NAA25: variants seen among roughly 807,000 people sequenced by gnomAD.
NAA25 encodes N-terminal acetyltransferase B complex subunit NAA25.
A neutral mutation model predicts 132.5 loss-of-function variants in NAA25; 30 were observed. The ratio of observed to expected loss-of-function variants is 0.23; its 90% CI spans 0.17 to 0.31. The LOEUF is 0.31. Ranked by LOEUF, NAA25 falls within the 10% of genes least tolerant of loss-of-function variation. The probability of loss-of-function intolerance (pLI) is 1.00; values close to 1 mark genes in which losing one functional copy is unlikely to be tolerated. For missense variants in NAA25, 771 were observed against 1,150.4 expected, an observed-to-expected ratio of 0.67 and a Z score of 4.77; for synonymous variants, 359 against 401.9, an observed-to-expected ratio of 0.89 and a Z score of 1.28.
At chr12:112,048,810 A>C (rs1346904015) in intron 15 of NAA25, among the ~76,000 whole-genome samples, 3 of 152,134 alleles carry the variant, frequency 2.0e-5, no homozygotes, top group Non-Finnish European at 4.4e-5. Context: ...TTCTGCATCT[A>C]AGATAAACTG....
intron 3 of NAA25, among the ~76,000 whole-genome samples, chr12:112,089,934 C>T (rs759236294): frequency 2.6e-5 from 4 of 150,958 alleles, no homozygotes; most frequent in Non-Finnish European, 5.9e-5. Flanking sequence ...GTGGAAGTTT[C>T]GATTCTCCTG....
At chr12:112,082,030 C>A (rs1005612922) in intron 4 of NAA25, among the ~76,000 whole-genome samples, 2 of 152,144 alleles carry the variant, frequency 1.3e-5, no homozygotes, top group African/African-American at 4.8e-5. Context: ...GCTGGCAGAT[C>A]ATCTGAGGTC....
At chr12:112,106,092 G>T (rs1416380187) in intron 1 of NAA25, among the ~76,000 whole-genome samples, 1 of 152,188 alleles carries the variant, frequency 6.6e-6, no homozygotes, top group Admixed American at 6.5e-5. Context: ...AGTCTGTACC[G>T]TTCTTTTCCT....
intron 17 of NAA25, among the ~76,000 whole-genome samples, chr12:112,045,486 CAA>C (rs75644384): frequency 8.7e-5 from 7 of 80,606 alleles, no homozygotes; most frequent in African/African-American, 9.9e-5. Context: ...GACTCCATCA[CAA>C]AAAAAAAAAA....
At chr12:112,053,485 A>G in intron 15 of NAA25, 73 bp downstream of exon 15, 1 of 1,084,818 alleles carries the variant, frequency 9.2e-7, no homozygotes, top group South Asian at 1.3e-5. Context: ...TACTTGTGAC[A>G]TGTGGTGACG....
intron 22 of NAA25, among the ~76,000 whole-genome samples, chr12:112,038,657 A>G (rs763698169): frequency 6.6e-6 from 1 of 152,124 alleles, no homozygotes; most frequent in Non-Finnish European, 1.5e-5. Flanking sequence ...CCACACTGGA[A>G]GAAGAATTGT....
intron 1 of NAA25, among the ~76,000 whole-genome samples, chr12:112,099,205 G>C (rs1169246424): frequency 6.6e-6 from 1 of 151,726 alleles, no homozygotes. Context: ...GGCCAGGATG[G>C]TCTCAATCTC....
intron 8 of NAA25, 144 bp downstream of exon 8, chr12:112,075,534 A>C: frequency 1.6e-6 from 1 of 615,136 alleles, no homozygotes; most frequent in Non-Finnish European, 2.8e-6. Flanking sequence ...AGGCTCCTTA[A>C]AAACTTTTAG....
intron 3 of NAA25, among the ~76,000 whole-genome samples, chr12:112,088,847 C>T (rs534094137): frequency 2.6e-5 from 4 of 151,866 alleles, no homozygotes; most frequent in Non-Finnish European, 5.9e-5. Flanking sequence ...CTCGAACTCC[C>T]GACCTCAGGT....
At chr12:112,088,623 CT>C (rs58148161) in intron 3 of NAA25, among the ~76,000 whole-genome samples, 2,585 of 131,904 alleles carry the variant, frequency 0.02, 48 homozygotes, top group African/African-American at 0.058. Flanking sequence ...ACAGAAAGTG[CT>C]TTTTTTTTTT....
rs1045692919 is a variant in NAA25, at chr12:112,028,369, C to T, written c.*1162G>A. ...GGACATTTTCAAGAGCAATTTTTAC[C>T]TCTTCTATCAGACCAACCACTGATA... On this transcript the variant is annotated 3_prime_UTR_variant, in exon 24 of 24. Coordinates refer to ENST00000261745, the MANE Select transcript of NAA25 (RefSeq NM_024953.4). The T allele has an allele frequency of 2.0e-5, 3 of 152,518 alleles. No individual in the cohort carries two copies. The highest frequency in any genetic ancestry group is 4.8e-5 in the African/African-American group (2 of 41,406). The allele number at this position is 152,518 out of a possible 1,614,324, so 9.4% of individuals were successfully genotyped here.
chr12:112,043,876 A>G lies in NAA25; in HGVS notation c.2007-8T>C, dbSNP rs1333340456. The G allele has an allele frequency of 6.2e-7, 1 of 1,607,144 alleles. No homozygotes were observed. Among genetic ancestry groups the G allele is most frequent in the Admixed American group, 1.7e-5 (1 of 59,442 alleles). ...TGTTCTTCAGAAACGTCCCTTAAAC[A>G]GAAACATCCCCAAATTATCTAACTT... On this transcript the variant is annotated splice_region_variant and splice_polypyrimidine_tract_variant and intron_variant, in intron 17 of 23. Transcript: ENST00000261745.
chr12:112,072,131 G>A, intron 9 of NAA25, 67 bp from the exon 10 acceptor site: 1 of 1,193,106 alleles, frequency 8.4e-7, no homozygotes, highest in Non-Finnish European at 1.1e-6. Context: ...TTAAAGTCAA[G>A]CCAAACTCAT....
In NAA25 at chr12:112,029,469, T is replaced by C. The variant is rs373378157; in HGVS notation, c.*62A>G. ...ATCATGGTCAACCAGATGTTGCTTT[T>C]GCCTGGGAAGATGGTGTCATATTCT... is the stretch of plus-strand genomic sequence containing the variant. On this transcript the variant is annotated 3_prime_UTR_variant, in exon 24 of 24. Coordinates refer to ENST00000261745, the MANE Select transcript of NAA25 (RefSeq NM_024953.4). 4.9e-4 allele frequency: 795 copies of C among 1,606,888 alleles called. No homozygotes were observed. Among genetic ancestry groups the C allele is most frequent in the Non-Finnish European group, 6.0e-4 (711 of 1,176,368 alleles).
At chr12:112,047,998 G>A (rs1351767670) in intron 16 of NAA25, among the ~76,000 whole-genome samples, 1 of 152,166 alleles carries the variant, frequency 6.6e-6, no homozygotes. Flanking sequence ...AAGGGGATCA[G>A]CATTAATTCC....
At chr12:112,097,606 CAAAAAA>C (rs777633329) in intron 1 of NAA25, among the ~76,000 whole-genome samples, 1 of 52,780 alleles carries the variant, frequency 1.9e-5, no homozygotes, top group Non-Finnish European at 4.2e-5. Flanking sequence ...GACTCCGTCT[CAAAAAA>C]AAAAAAAAAA....
chr12:112,097,606 C>CAA (rs777633329), intron 1 of NAA25, among the ~76,000 whole-genome samples: 23 of 52,622 alleles, frequency 4.4e-4, no homozygotes, highest in Admixed American at 8.7e-4. Flanking sequence ...GACTCCGTCT[C>CAA]AAAAAAAAAA....
chr12:112,026,941 T>C lies in NAA25; in HGVS notation c.*2590A>G, dbSNP rs1477146077. On this transcript the variant is annotated 3_prime_UTR_variant, in exon 24 of 24. Transcript: ENST00000261745. ...ATGCAATTTTCAACAATTAAAATTA[T>C]GAAAATATACAAAATTGATGGGCAA... 3 of 152,624 alleles carry C rather than the reference T, an allele frequency of 2.0e-5. No homozygotes were observed. The highest frequency in any genetic ancestry group is 1.9e-4 in the East Asian group (1 of 5,204). The allele number at this position is 152,624 out of a possible 1,614,324, so 9.5% of individuals were successfully genotyped here.
chr12:112,039,154 G>T, intron 22 of NAA25, 75 bp downstream of exon 22: 1 of 900,610 alleles, frequency 1.1e-6, no homozygotes. Context: ...ACTCAACATG[G>T]AGGAAAACAG....
Sources: allele counts gnomAD v4.1 joint callset (sites outside exome capture counted in the v4.1 genomes callset), GRCh38; gene constraint gnomAD v4.1.1; transcripts MANE v1.5; gene names NCBI Gene and HGNC (gene_info 2026-07-23, HGNC 2026-07-21).